PRICKLE2: variants seen among roughly 807,000 people sequenced by gnomAD.
PRICKLE2 encodes prickle planar cell polarity protein 2.
In PRICKLE2, 21 loss-of-function variants were observed where a neutral mutation model predicts 81.4. The ratio of observed to expected loss-of-function variants is 0.26; its 90% confidence interval spans 0.18 to 0.37. PRICKLE2 has a LOEUF of 0.37. PRICKLE2 is among the 10% of genes least tolerant of loss of function. PRICKLE2 has a pLI of 1.00. For missense variants in PRICKLE2, 940 were observed against 1,109.0 expected (o/e 0.85, Z 2.16); for synonymous variants, 456 against 421.5 (o/e 1.08, Z -1.00).
intron 6 of PRICKLE2, among the ~76,000 whole-genome samples, chr3:64,151,014 G>A (rs374886289): frequency 2.0e-5 from 3 of 152,202 alleles, no homozygotes; most frequent in South Asian, 2.1e-4. Context: ...CTTGGAGGGT[G>A]TGTGTGTCTA....
chr3:64,236,846 T>C (rs1475186951), intron 2 of PRICKLE2, among the ~76,000 whole-genome samples: 1 of 152,226 alleles, frequency 6.6e-6, no homozygotes, highest in Non-Finnish European at 1.5e-5. Flanking sequence ...AAGCACTTTG[T>C]ATGGTGTCAA....
At chr3:64,245,374 C>T (rs769292688) in intron 2 of PRICKLE2, among the ~76,000 whole-genome samples, 4 of 152,250 alleles carry the variant, frequency 2.6e-5, no homozygotes, top group South Asian at 2.1e-4. Context: ...TTTGTAGTCA[C>T]GGCTATCTCA....
At chr3:64,255,972 G>A (rs1277360493) in intron 2 of PRICKLE2, among the ~76,000 whole-genome samples, 1 of 152,178 alleles carries the variant, frequency 6.6e-6, no homozygotes, top group Non-Finnish European at 1.5e-5. Context: ...ATATGCCGAG[G>A]TTGGCAGGGC....
At chr3:64,245,213 T>A (rs78043303) in intron 2 of PRICKLE2, among the ~76,000 whole-genome samples, 2 of 152,332 alleles carry the variant, frequency 1.3e-5, no homozygotes, top group East Asian at 1.9e-4. Context: ...TTCCTTAAAA[T>A]GTCCTGCCAA....
chr3:64,225,710 C>T (rs950091055), upstream of PRICKLE2, among the ~76,000 whole-genome samples: 1 of 152,070 alleles, frequency 6.6e-6, no homozygotes, highest in East Asian at 1.9e-4. Context: ...TTTAAAGACA[C>T]ATGCCTATTT....
chr3:64,108,669 G>A (rs1031579404), intron 7 of PRICKLE2, among the ~76,000 whole-genome samples: 1 of 152,130 alleles, frequency 6.6e-6, no homozygotes, highest in Non-Finnish European at 1.5e-5. Context: ...ATCCACATTT[G>A]AACGAGATCC....
chr3:64,188,019 T>C (rs907075586), intron 2 of PRICKLE2, among the ~76,000 whole-genome samples: 1 of 152,220 alleles, frequency 6.6e-6, no homozygotes, highest in African/African-American at 2.4e-5. Flanking sequence ...ATTTGGGTGA[T>C]ATCCAGGGCA....
intron 1 of PRICKLE2, among the ~76,000 whole-genome samples, chr3:64,208,360 G>C (rs935114066): frequency 6.6e-6 from 1 of 152,202 alleles, no homozygotes; most frequent in African/African-American, 2.4e-5. Flanking sequence ...AGAACTGTAT[G>C]GATCATGTGA....
intron 2 of PRICKLE2, among the ~76,000 whole-genome samples, chr3:64,250,591 G>A (rs2079432786): frequency 6.6e-6 from 1 of 152,168 alleles, no homozygotes; most frequent in Non-Finnish European, 1.5e-5. Flanking sequence ...AGAGGGCATT[G>A]ATAAGAACAT....
Position 64,221,065 on chromosome 3 carries a change from A to G in PRICKLE2, c.-41+3845T>C, listed in dbSNP as rs74764095. On this transcript the variant is annotated intron_variant, in intron 1 of 7. Coordinates refer to ENST00000638394, the MANE Select transcript of PRICKLE2 (RefSeq NM_198859.4). ...GGGGAGAGGAGTTTTTAGCTAAAGG[A>G]GAACAGAGTTGCCTTCTGAGTTGCA... 3.7e-4 allele frequency among the ~76,000 whole-genome samples: 56 copies of G among 151,804 alleles called. 1 individual carries two copies. In the East Asian group the frequency reaches 9.4e-3, roughly 25 times the overall value.
At chr3:64,204,807 T>C (rs1299374547) in intron 1 of PRICKLE2, among the ~76,000 whole-genome samples, 1 of 152,086 alleles carries the variant, frequency 6.6e-6, no homozygotes. Flanking sequence ...TGACAACCTT[T>C]GGTAATGGCT....
chr3:64,119,699 T>C (rs2076995979), intron 7 of PRICKLE2, among the ~76,000 whole-genome samples: 1 of 152,286 alleles, frequency 6.6e-6, no homozygotes, highest in Non-Finnish European at 1.5e-5. Context: ...AGCAATCCCA[T>C]TACCGGGTAT....
chr3:64,202,896 A>G (rs1410833288), intron 1 of PRICKLE2, among the ~76,000 whole-genome samples: 1 of 152,150 alleles, frequency 6.6e-6, no homozygotes, highest in Non-Finnish European at 1.5e-5. Context: ...TATGTTAGCC[A>G]TGAGTTATTT....
At chr3:64,174,596 T>G (rs900902489) in intron 2 of PRICKLE2, 1 of 167,004 alleles carries the variant, frequency 6.0e-6, no homozygotes, top group African/African-American at 2.4e-5. Flanking sequence ...CACCCTATTT[T>G]AAAGGTACAG....
intron 1 of PRICKLE2, among the ~76,000 whole-genome samples, chr3:64,222,295 A>G (rs1361141175): frequency 6.6e-6 from 1 of 152,168 alleles, no homozygotes; most frequent in Non-Finnish European, 1.5e-5. Context: ...TCCGTGCAAA[A>G]CACAACTCTA....
chr3:64,159,356 C>G (rs2077693158), intron 4 of PRICKLE2, among the ~76,000 whole-genome samples: 2 of 152,200 alleles, frequency 1.3e-5, no homozygotes, highest in Non-Finnish European at 2.9e-5. Context: ...GACCCATGGC[C>G]CAAGCCAACT....
At chr3:64,192,211 A>C (rs796499214) in intron 2 of PRICKLE2, among the ~76,000 whole-genome samples, 23 of 152,314 alleles carry the variant, frequency 1.5e-4, no homozygotes, top group African/African-American at 5.5e-4. Context: ...GGTTCTACAG[A>C]GGACCCCTGC....
At chr3:64,160,148 T>C in intron 3 of PRICKLE2, 71 bp from the exon 4 acceptor site, 8 of 1,540,906 alleles carry the variant, frequency 5.2e-6, no homozygotes, top group Non-Finnish European at 7.1e-6. Flanking sequence ...CCCATGACTC[T>C]GAGTTTTCTC....
At chr3:64,178,068 T>C (rs2078056480) in intron 2 of PRICKLE2, among the ~76,000 whole-genome samples, 1 of 152,196 alleles carries the variant, frequency 6.6e-6, no homozygotes, top group South Asian at 2.1e-4. Flanking sequence ...ACATTTATTT[T>C]CCAGTTTTTA....
Sources: gnomAD v4.1 joint callset for allele counts (sites outside exome capture counted in the v4.1 genomes callset) on GRCh38, gnomAD v4.1.1 for gene constraint, MANE v1.5 for transcripts, NCBI Gene and HGNC (gene_info 2026-07-23, HGNC 2026-07-21) for gene names.